KCNH8: variants seen among roughly 807,000 people sequenced by gnomAD.
KCNH8 encodes voltage-gated delayed rectifier potassium channel KCNH8.
Under a neutral mutation model 103.6 loss-of-function variants are expected in KCNH8, and 70 were observed. That is an observed-to-expected ratio of 0.68 (90% confidence interval 0.56 to 0.82). The LOEUF (loss-of-function observed/expected upper bound fraction) is 0.82. KCNH8 is among the 40% of genes least tolerant of loss of function. The pLI is 0.00. For synonymous variants in KCNH8, 498 were observed against 489.4 expected (o/e 1.02, Z -0.23); for missense variants, 1,217 against 1,329.9 (o/e 0.92, Z 1.32).
At chr3:19,229,468 C>G (rs538227905) in intron 1 of KCNH8, among the ~76,000 whole-genome samples, 4 of 152,352 alleles carry the variant, frequency 2.6e-5, no homozygotes, top group Non-Finnish European at 5.9e-5. Context: ...ATGGAAGCTG[C>G]CAAGGCTAGG....
chr3:19,311,334 C>T (rs1283215015), intron 3 of KCNH8, among the ~76,000 whole-genome samples: 1 of 151,568 alleles, frequency 6.6e-6, no homozygotes, highest in East Asian at 1.9e-4. Context: ...TAAACTGAAA[C>T]CAAAAGAGGT....
intron 7 of KCNH8, among the ~76,000 whole-genome samples, chr3:19,405,926 T>C (rs1244584699): frequency 6.6e-6 from 1 of 152,084 alleles, no homozygotes; most frequent in Non-Finnish European, 1.5e-5. Flanking sequence ...ATATAAATGA[T>C]ATTTGCATTA....
intron 3 of KCNH8, among the ~76,000 whole-genome samples, chr3:19,326,356 AATAT>A (rs34714826): frequency 0.26 from 35,014 of 135,636 alleles, 4,910 homozygotes; most frequent in African/African-American, 0.34. Context: ...ATGAAAGTTA[AATAT>A]ATATATATAT....
intron 5 of KCNH8, among the ~76,000 whole-genome samples, chr3:19,355,944 A>G (rs191954603): frequency 1.2e-3 from 181 of 151,874 alleles, no homozygotes; most frequent in Admixed American, 3.3e-3. Context: ...TATATTTAAC[A>G]TACTGTTTAT....
intron 11 of KCNH8, among the ~76,000 whole-genome samples, chr3:19,479,789 T>C (rs1261318984): frequency 6.6e-6 from 1 of 152,196 alleles, no homozygotes; most frequent in Non-Finnish European, 1.5e-5. Context: ...GTACGCTTCA[T>C]TCATATTCTC....
chr3:19,426,070 A>G (rs1219518047), intron 7 of KCNH8, among the ~76,000 whole-genome samples: 1 of 152,134 alleles, frequency 6.6e-6, no homozygotes, highest in East Asian at 1.9e-4. Flanking sequence ...GCTCTTGTGG[A>G]AACTGGAGCC....
chr3:19,477,053 A>G (rs1227583675), intron 11 of KCNH8, among the ~76,000 whole-genome samples: 1 of 152,170 alleles, frequency 6.6e-6, no homozygotes, highest in Non-Finnish European at 1.5e-5. Context: ...CTTTATATAA[A>G]GTATTCTTCC....
intron 11 of KCNH8, among the ~76,000 whole-genome samples, chr3:19,475,296 CTAAATTAAG>C (rs565878302): frequency 0.011 from 1,703 of 152,234 alleles, 13 homozygotes; most frequent in Middle Eastern, 0.024. Context: ...CTATAAATAA[CTAAATTAAG>C]TAGTTCTGTC....
chr3:19,215,276 T>C (rs567040099), intron 1 of KCNH8, among the ~76,000 whole-genome samples: 3 of 152,316 alleles, frequency 2.0e-5, no homozygotes, highest in African/African-American at 7.2e-5. Flanking sequence ...GCCTTTTAGG[T>C]AAATAATCTA....
At chr3:19,182,064 C>T (rs1314179322) in intron 1 of KCNH8, among the ~76,000 whole-genome samples, 1 of 152,026 alleles carries the variant, frequency 6.6e-6, no homozygotes, top group African/African-American at 2.4e-5. Flanking sequence ...AACCAAACCC[C>T]AAAACTGTTC....
chr3:19,365,769 C>T (rs572834474), intron 5 of KCNH8, among the ~76,000 whole-genome samples: 4 of 151,948 alleles, frequency 2.6e-5, no homozygotes, highest in Non-Finnish European at 4.4e-5. Flanking sequence ...TTGATAGTGA[C>T]AGGTTGCACG....
intron 11 of KCNH8, among the ~76,000 whole-genome samples, chr3:19,501,049 AAG>A (rs2068571567): frequency 6.6e-6 from 1 of 152,214 alleles, no homozygotes; most frequent in African/African-American, 2.4e-5. Context: ...TAAAGAAAAA[AAG>A]AGAGAAGAAT....
chr3:19,515,518 C>A, intron 14 of KCNH8, 90 bp downstream of exon 14: 1 of 531,634 alleles, frequency 1.9e-6, no homozygotes, highest in Non-Finnish European at 3.1e-6. Flanking sequence ...TTTTGCTTTC[C>A]TGTCCTTAGA....
intron 5 of KCNH8, among the ~76,000 whole-genome samples, chr3:19,371,826 A>G (rs1332545226): frequency 6.6e-6 from 1 of 151,324 alleles, no homozygotes; most frequent in Non-Finnish European, 1.5e-5. Flanking sequence ...AGCTTTCTAC[A>G]TATGGCTAGC....
intron 3 of KCNH8, among the ~76,000 whole-genome samples, chr3:19,334,136 GA>G (rs146975589): frequency 0.03 from 4,524 of 152,222 alleles, 232 homozygotes; most frequent in East Asian, 0.17. Context: ...GACCGTCATT[GA>G]ATGCAGGATA....
chr3:19,505,673 G>A (rs1466562771), intron 11 of KCNH8, among the ~76,000 whole-genome samples: 2 of 152,060 alleles, frequency 1.3e-5, no homozygotes, highest in Non-Finnish European at 2.9e-5. Flanking sequence ...TTTCACTGGA[G>A]TTCTCTGCAT....
chr3:19,514,025 GT>G (rs1259593738), intron 13 of KCNH8, among the ~76,000 whole-genome samples: 1 of 150,762 alleles, frequency 6.6e-6, no homozygotes, highest in Non-Finnish European at 1.5e-5. Context: ...TATGTTTCAT[GT>G]ATTTTGCGAG....
intron 11 of KCNH8, among the ~76,000 whole-genome samples, chr3:19,479,182 T>A (rs1345544237): frequency 1.3e-5 from 2 of 152,032 alleles, no homozygotes; most frequent in African/African-American, 4.8e-5. Flanking sequence ...GTTTGCGGGG[T>A]GCCTCCTACA....
chr3:19,312,478 A>G (rs2125297962), intron 3 of KCNH8, among the ~76,000 whole-genome samples: 1 of 151,968 alleles, frequency 6.6e-6, no homozygotes, highest in South Asian at 2.1e-4. Context: ...TTCCTCGTAC[A>G]TACTCGGAAT....
Sources: allele counts gnomAD v4.1 joint callset (sites outside exome capture counted in the v4.1 genomes callset), GRCh38; gene constraint gnomAD v4.1.1; transcripts MANE v1.5; gene names NCBI Gene and HGNC (gene_info 2026-07-23, HGNC 2026-07-21).